Variants in NCOA1 observed in about 807,000 individuals in gnomAD.
NCOA1 encodes Hin-2 protein.
Under a neutral mutation model 150.9 loss-of-function variants are expected in NCOA1, and 35 were observed. The ratio of observed to expected loss-of-function variants is 0.23; its 90% CI spans 0.18 to 0.31. NCOA1 has a LOEUF of 0.31. NCOA1 is among the 10% of genes least tolerant of loss of function. The pLI is 1.00. For synonymous variants in NCOA1, 590 were observed against 630.0 expected, an observed-to-expected ratio of 0.94 and a Z score of 0.95; for missense variants, 1,491 against 1,749.3, an observed-to-expected ratio of 0.85 and a Z score of 2.63.
intron 22 of NCOA1, among the ~76,000 whole-genome samples, chr2:24,763,261 C>T (rs576076362): frequency 1.3e-5 from 2 of 152,130 alleles, no homozygotes; most frequent in East Asian, 3.9e-4. Context: ...AATTGTGGGC[C>T]GGGCGCGGTG....
At chr2:24,611,007 T>C (rs901472658) in intron 3 of NCOA1, among the ~76,000 whole-genome samples, 9 of 152,266 alleles carry the variant, frequency 5.9e-5, no homozygotes, top group South Asian at 2.1e-4. Flanking sequence ...GTTACATGGG[T>C]ATATTGTGTG....
chr2:24,758,180 C>G (rs374125688), intron 21 of NCOA1, 24 bp downstream of exon 21: 2 of 1,584,950 alleles, frequency 1.3e-6, no homozygotes, highest in Non-Finnish European at 1.7e-6. Context: ...TCGCCACACA[C>G]ATGCCACACC....
intron 1 of NCOA1, among the ~76,000 whole-genome samples, chr2:24,496,006 T>G (rs1294677274): frequency 6.6e-6 from 1 of 152,234 alleles, no homozygotes; most frequent in Non-Finnish European, 1.5e-5. Context: ...TTTCTGGTTC[T>G]GCAATCTGGT....
chr2:24,752,240 C>T (rs1572684205), intron 20 of NCOA1, 84 bp downstream of exon 20: 3 of 1,437,506 alleles, frequency 2.1e-6, no homozygotes, highest in Non-Finnish European at 2.8e-6. Context: ...GGTTGAACCT[C>T]AGGAACATTA....
At chr2:24,595,452 C>G (rs1026479286) in intron 3 of NCOA1, among the ~76,000 whole-genome samples, 1 of 152,052 alleles carries the variant, frequency 6.6e-6, no homozygotes, top group Admixed American at 6.6e-5. Flanking sequence ...TTATTGGAGT[C>G]TTGACGCTTT....
intron 17 of NCOA1, among the ~76,000 whole-genome samples, chr2:24,736,688 G>C (rs1276397108): frequency 6.6e-6 from 1 of 152,132 alleles, no homozygotes; most frequent in Non-Finnish European, 1.5e-5. Context: ...TCTCAACCTT[G>C]GCATTTTAAC....
chr2:24,673,469 T>G lies in NCOA1; in HGVS notation c.354+6T>G. On this transcript the variant is annotated splice_donor_region_variant and intron_variant, in intron 7 of 22. Transcript: ENST00000348332. ...TGGGACCTCTTCTTTTGGAGGTAGG[T>G]GTCTTCATTGACTCAGAAAGTGATT... 1 of 1,561,230 alleles carries G rather than the reference T, an allele frequency of 6.4e-7. No homozygotes were observed. The highest frequency in any genetic ancestry group is 1.2e-5 in the South Asian group (1 of 80,088).
chr2:24,614,343 G>A (rs930091076), intron 3 of NCOA1, among the ~76,000 whole-genome samples: 3 of 149,798 alleles, frequency 2.0e-5, no homozygotes, highest in Admixed American at 6.7e-5. Flanking sequence ...TCAACCTCCT[G>A]TGTAGCTGGG....
intron 3 of NCOA1, among the ~76,000 whole-genome samples, chr2:24,591,635 A>G (rs1410013245): frequency 6.6e-6 from 1 of 152,064 alleles, no homozygotes; most frequent in Non-Finnish European, 1.5e-5. Flanking sequence ...CTTTCCTTCA[A>G]TCCCTCTAAT....
intron 3 of NCOA1, among the ~76,000 whole-genome samples, chr2:24,629,261 A>G (rs1669566740): frequency 6.6e-6 from 1 of 152,316 alleles, no homozygotes; most frequent in East Asian, 1.9e-4. Context: ...AATTAGTAAT[A>G]TTGAAATATA....
At chr2:24,532,045 A>G (rs942304179) in intron 1 of NCOA1, among the ~76,000 whole-genome samples, 1 of 152,198 alleles carries the variant, frequency 6.6e-6, no homozygotes, top group Non-Finnish European at 1.5e-5. Context: ...GTTTTACACA[A>G]TGGTTGAACT....
Position 24,718,428 on chromosome 2 carries a change from AT to A in NCOA1, c.2599+7320del, listed in dbSNP as rs138732460. 5.2e-3 allele frequency among the ~76,000 whole-genome samples: 799 copies of A among 152,296 alleles called. 6 individuals are homozygous for A. The highest frequency in any genetic ancestry group is 0.018 in the African/African-American group (746 of 41,548). On this transcript the variant is annotated intron_variant, in intron 14 of 22. Coordinates refer to ENST00000348332, the MANE Select transcript of NCOA1 (RefSeq NM_003743.5). Reference sequence around the variant, plus strand: ...CAATTTCTCATAAAGTTAATCATACATTTACCATGTAACCCAACAGTTCAAC... The same window carrying A: ...CAATTTCTCATAAAGTTAATCATACATTACCATGTAACCCAACAGTTCAAC...
chr2:24,590,008 C>T (rs1421497124), intron 3 of NCOA1, among the ~76,000 whole-genome samples: 1 of 152,132 alleles, frequency 6.6e-6, no homozygotes, highest in Non-Finnish European at 1.5e-5. Flanking sequence ...GAAGGGATAT[C>T]TGCTCTGTAC....
chr2:24,619,024 ATTGC>A (rs1669002417), intron 3 of NCOA1, among the ~76,000 whole-genome samples: 1 of 152,182 alleles, frequency 6.6e-6, no homozygotes, highest in Admixed American at 6.5e-5. Context: ...TGTTACCATT[ATTGC>A]TTTGTTGGAT....
chr2:24,531,469 A>G (rs1015999484), intron 1 of NCOA1, among the ~76,000 whole-genome samples: 34 of 152,000 alleles, frequency 2.2e-4, no homozygotes, highest in Non-Finnish European at 8.8e-5. Flanking sequence ...CTTTTTTATT[A>G]TTTAAGTTGT....
At chr2:24,762,010 G>A (rs974623146) in intron 21 of NCOA1, among the ~76,000 whole-genome samples, 4 of 152,208 alleles carry the variant, frequency 2.6e-5, no homozygotes, top group African/African-American at 9.6e-5. Context: ...AGACTTGAGG[G>A]CCACTGCAGA....
intron 3 of NCOA1, among the ~76,000 whole-genome samples, chr2:24,640,673 T>G (rs1670173503): frequency 6.6e-6 from 1 of 152,128 alleles, no homozygotes; most frequent in South Asian, 2.1e-4. Flanking sequence ...TGATTCTGTC[T>G]TCCTGATGCA....
chr2:24,732,803 A>G (rs1483353683), intron 17 of NCOA1, among the ~76,000 whole-genome samples: 2 of 152,140 alleles, frequency 1.3e-5, no homozygotes, highest in Non-Finnish European at 2.9e-5. Flanking sequence ...ACCGTAGGCA[A>G]ACAAAACTAT....
chr2:24,719,914 A>G (rs1388649326), intron 14 of NCOA1, among the ~76,000 whole-genome samples: 1 of 152,264 alleles, frequency 6.6e-6, no homozygotes, highest in Non-Finnish European at 1.5e-5. Context: ...TATTAACTCC[A>G]GAAAAAAGAA....
Sources: allele counts gnomAD v4.1 joint callset (sites outside exome capture counted in the v4.1 genomes callset), GRCh38; gene constraint gnomAD v4.1.1; transcripts MANE v1.5; gene names NCBI Gene and HGNC (gene_info 2026-07-23, HGNC 2026-07-21).